PAH: variants seen among roughly 807,000 people sequenced by gnomAD.
PAH encodes phenylalanine hydroxylase.
In PAH, 64 loss-of-function variants were observed where a neutral mutation model predicts 62.0. The observed-to-expected ratio is 1.03, with a 90% CI of 0.84 to 1.27. PAH has a LOEUF of 1.27. Among genes scored for constraint, PAH ranks in the 50% most tolerant of loss-of-function variants. PAH has a pLI of 0.00. For missense variants in PAH, 579 were observed against 542.8 expected (o/e 1.07, Z -0.66); for synonymous variants, 195 against 196.2 (o/e 0.99, Z 0.05).
intron 4 of PAH, among the ~76,000 whole-genome samples, chr12:102,868,364 C>T (rs189909840): frequency 5.8e-4 from 88 of 151,202 alleles, no homozygotes; most frequent in African/African-American, 1.9e-3. Context: ...AGTTTATTTC[C>T]GGGAATATAT....
intron 1 of PAH, among the ~76,000 whole-genome samples, chr12:102,929,692 C>G (rs534228868): frequency 6.6e-6 from 1 of 152,074 alleles, no homozygotes; most frequent in Admixed American, 6.6e-5. Context: ...TGCACTTGTC[C>G]AGGTGAGAAA....
intron 5 of PAH, among the ~76,000 whole-genome samples, chr12:102,856,737 C>T (rs2136651576): frequency 6.6e-6 from 1 of 152,350 alleles, no homozygotes; most frequent in East Asian, 1.9e-4. Context: ...TGGAGTGGAC[C>T]TCCAGCCAAC....
chr12:102,938,311 G>T (rs917082578), intron 1 of PAH, among the ~76,000 whole-genome samples: 5 of 152,096 alleles, frequency 3.3e-5, no homozygotes, highest in Admixed American at 2.6e-4. Context: ...TCCCCACAAC[G>T]CCCCACTCCC....
At chr12:102,883,833 T>A (rs868692252) in intron 3 of PAH, among the ~76,000 whole-genome samples, 4 of 152,320 alleles carry the variant, frequency 2.6e-5, no homozygotes, top group Middle Eastern at 3.4e-3. Context: ...ACCACCTAGC[T>A]CCAATCTCTA....
chr12:102,839,059 G>T lies in PAH; in HGVS notation c.*116C>A. The T allele has an allele frequency of 2.3e-6, 2 of 864,034 alleles. No homozygotes were observed. The highest frequency in any genetic ancestry group is 1.9e-6 in the Non-Finnish European group (1 of 514,528). 53.5% of individuals were successfully genotyped at this position (864,034 alleles called of 1,614,324 possible). On this transcript the variant is annotated 3_prime_UTR_variant, in exon 13 of 13. Coordinates refer to ENST00000553106, the MANE Select transcript of PAH (RefSeq NM_000277.3). ...TTTGTTGTTTCTCCATCTTGTAAAG[G>T]ATTTAAGGCTGTTATTTCAAATTAA...
chr12:102,930,905 A>G (rs1443823243), intron 1 of PAH, among the ~76,000 whole-genome samples: 2 of 152,244 alleles, frequency 1.3e-5, no homozygotes, highest in African/African-American at 2.4e-5. Flanking sequence ...TGTGTGAAGC[A>G]ATATGTCTTA....
chr12:102,914,947 A>G (rs903732292), intron 1 of PAH, among the ~76,000 whole-genome samples: 1 of 152,156 alleles, frequency 6.6e-6, no homozygotes, highest in Non-Finnish European at 1.5e-5. Flanking sequence ...AGTGGCCTGC[A>G]TCGATCCAGC....
chr12:102,918,986 A>C (rs753128472), upstream of PAH, among the ~76,000 whole-genome samples: 1 of 152,140 alleles, frequency 6.6e-6, no homozygotes, highest in Non-Finnish European at 1.5e-5. Context: ...AGCAAAGAAT[A>C]TTATCTACTT....
chr12:102,904,819 T>C (rs1282563799), intron 2 of PAH: 1 of 448,948 alleles, frequency 2.2e-6, no homozygotes, highest in African/African-American at 2.0e-5. Flanking sequence ...GAGTAGACTA[T>C]GCACACCACA....
intron 3 of PAH, among the ~76,000 whole-genome samples, chr12:102,892,035 A>G (rs1877300174): frequency 6.6e-6 from 1 of 152,190 alleles, no homozygotes; most frequent in Non-Finnish European, 1.5e-5. Flanking sequence ...GAGGCTGAAA[A>G]GGAAAGAAGG....
intron 4 of PAH, among the ~76,000 whole-genome samples, chr12:102,870,927 A>G (rs905967226): frequency 2.0e-5 from 3 of 152,178 alleles, no homozygotes; most frequent in Non-Finnish European, 4.4e-5. Context: ...CCAAGCCCAT[A>G]AGCCAGGAGT....
chr12:102,903,279 T>G (rs1049274911), intron 2 of PAH, among the ~76,000 whole-genome samples: 3 of 151,526 alleles, frequency 2.0e-5, no homozygotes, highest in Non-Finnish European at 4.4e-5. Flanking sequence ...GAGAGTCTCT[T>G]GAACCAGGGA....
At chr12:102,892,658 A>T (rs1205148988) in intron 3 of PAH, among the ~76,000 whole-genome samples, 1 of 152,238 alleles carries the variant, frequency 6.6e-6, no homozygotes, top group Non-Finnish European at 1.5e-5. Context: ...ATTTGTAAAT[A>T]TGTATTGCTA....
At position 102,864,861 on chromosome 12, in the gene PAH, G is replaced by C. The variant is rs371619911; in HGVS notation, c.509+1735C>G. Among the ~76,000 whole-genome samples the C allele has an allele frequency of 2.5e-3, 376 of 150,102 alleles. 2 individuals are homozygous for C. Among genetic ancestry groups the C allele is most frequent in the African/African-American group, 8.8e-3 (360 of 40,958 alleles). Reference sequence around the variant, plus strand: ...AGACCCTGAAGTAAGAGACTATTTTGAAGAAGAAAGACATGGTAAAAAGAG... The same window carrying C: ...AGACCCTGAAGTAAGAGACTATTTTCAAGAAGAAAGACATGGTAAAAAGAG... On this transcript the variant is annotated intron_variant, in intron 5 of 12. Transcript: ENST00000553106.
At chr12:102,918,880 C>T (rs1592992217), upstream of PAH, among the ~76,000 whole-genome samples, 1 of 152,274 alleles carries the variant, frequency 6.6e-6, no homozygotes, top group East Asian at 1.9e-4. Context: ...TCCTCAGCCT[C>T]AGGATTTTCT....
At chr12:102,881,846 T>C (rs1449744194) in intron 3 of PAH, among the ~76,000 whole-genome samples, 2 of 152,216 alleles carry the variant, frequency 1.3e-5, no homozygotes, top group African/African-American at 4.8e-5. Flanking sequence ...GGTATCGCAT[T>C]TTCTTCATTC....
At chr12:102,864,890 C>T (rs911511212) in intron 5 of PAH, among the ~76,000 whole-genome samples, 5 of 151,228 alleles carry the variant, frequency 3.3e-5, no homozygotes, top group African/African-American at 9.7e-5. Context: ...AAAAGAGCAC[C>T]GAAAGCTTAA....
intron 3 of PAH, among the ~76,000 whole-genome samples, chr12:102,879,003 C>A (rs1278173031): frequency 2.0e-5 from 3 of 152,072 alleles, no homozygotes; most frequent in Non-Finnish European, 4.4e-5. Flanking sequence ...GCAAGGCTTC[C>A]AGAACTTCCC....
chr12:102,845,689 A>G (rs1874808423), intron 9 of PAH, among the ~76,000 whole-genome samples: 1 of 152,076 alleles, frequency 6.6e-6, no homozygotes, highest in Non-Finnish European at 1.5e-5. Context: ...GGACTAGAAA[A>G]TGTTAAACCT....
Sources: allele counts gnomAD v4.1 joint callset (sites outside exome capture counted in the v4.1 genomes callset), GRCh38; gene constraint gnomAD v4.1.1; transcripts MANE v1.5; gene names NCBI Gene and HGNC (gene_info 2026-07-23, HGNC 2026-07-21).